Variants in EYS observed in about 807,000 individuals in gnomAD.
EYS encodes EGF-like photoreceptor maintenance factor.
In EYS, 250 loss-of-function variants were observed where a neutral mutation model predicts 282.1. The observed-to-expected ratio is 0.89, with a 90% confidence interval of 0.80 to 0.98. The LOEUF (loss-of-function observed/expected upper bound fraction) is 0.98. Among genes scored for constraint, EYS ranks in the 50% least tolerant of loss-of-function variants. The pLI, the probability that EYS is intolerant of heterozygous loss-of-function variation, is 0.00. For missense variants in EYS, 4,016 were observed against 3,709.0 expected, an observed-to-expected ratio of 1.08 and a Z score of -2.15; for synonymous variants, 1,355 against 1,282.9, an observed-to-expected ratio of 1.06 and a Z score of -1.20.
intron 31 of EYS, among the ~76,000 whole-genome samples, chr6:64,200,658 G>C (rs954818659): frequency 6.6e-6 from 1 of 152,112 alleles, no homozygotes; most frequent in African/African-American, 2.4e-5. Context: ...GAACAGGAGA[G>C]AAGCAGAAAA....
At position 63,902,332 on chromosome 6, in the gene EYS, A is replaced by G. The variant is rs1773678041; in HGVS notation, c.7056-37974T>C. On this transcript the variant is annotated intron_variant, in intron 35 of 42. Coordinates refer to ENST00000503581, the MANE Select transcript of EYS (RefSeq NM_001142800.2). ...AAAATGAAAGTGAAATAAAGACATT[A>G]TAGATAAATAAAGACTGAGAATTTC... 2.6e-5 allele frequency among the ~76,000 whole-genome samples: 4 copies of G among 152,220 alleles called. 1 individual carries two copies. In the South Asian group the frequency reaches 8.3e-4, roughly 31 times the overall value.
intron 24 of EYS, among the ~76,000 whole-genome samples, chr6:64,596,679 C>T (rs1226818862): frequency 6.6e-6 from 1 of 152,080 alleles, no homozygotes; most frequent in African/African-American, 2.4e-5. Context: ...AAACTAGACT[C>T]GTATCTCTCA....
Position 65,495,393 on chromosome 6 carries a change from G to A in EYS, c.18C>T (p.Ile6=), listed in dbSNP as rs771355112. The part of the protein sequence containing the change: MTDKS[I]VILSLMVFHS... ...GAAAAACCATCAGGCTCAGAATGAC[G>A]ATTGATTTGTCAGTCATTTTCGGGT... Residue 6 remains isoleucine (I), a synonymous_variant, in exon 4 of 43, where the codon ATC becomes ATT. Coordinates refer to ENST00000503581, the MANE Select transcript of EYS (RefSeq NM_001142800.2). 5.8e-5 allele frequency: 94 copies of A among 1,611,226 alleles called. No homozygotes were observed. The highest frequency in any genetic ancestry group is 1.9e-4 in the African/African-American group (14 of 75,036).
At chr6:64,098,049 A>C (rs763460967) in intron 31 of EYS, among the ~76,000 whole-genome samples, 1 of 152,228 alleles carries the variant, frequency 6.6e-6, no homozygotes, top group Non-Finnish European at 1.5e-5. Context: ...TGTGGATTAG[A>C]TGAAACTGTT....
chr6:64,960,874 TTTA>T, intron 14 of EYS, among the ~76,000 whole-genome samples: 1 of 152,326 alleles, frequency 6.6e-6, no homozygotes, highest in East Asian at 1.9e-4. Flanking sequence ...GGTCTCATCA[TTTA>T]GCTCCCATTG....
intron 5 of EYS, among the ~76,000 whole-genome samples, chr6:65,461,323 T>G (rs1331578500): frequency 1.3e-5 from 2 of 152,106 alleles, no homozygotes; most frequent in African/African-American, 4.8e-5. Context: ...ATTACATATC[T>G]AGGAAAACTT....
chr6:63,786,696 TA>T (rs570420411), intron 39 of EYS, among the ~76,000 whole-genome samples: 2,274 of 144,424 alleles, frequency 0.016, 42 homozygotes, highest in African/African-American at 0.044. Flanking sequence ...AACTTAAAGT[TA>T]AAAAAAAAAA....
intron 36 of EYS, among the ~76,000 whole-genome samples, chr6:63,852,430 A>G (rs1406769530): frequency 6.6e-6 from 1 of 152,178 alleles, no homozygotes; most frequent in Non-Finnish European, 1.5e-5. Flanking sequence ...AGTCTAAACC[A>G]GGAAGAAATC....
intron 41 of EYS, among the ~76,000 whole-genome samples, chr6:63,737,911 A>C (rs1229334491): frequency 1.3e-5 from 2 of 152,232 alleles, no homozygotes; most frequent in African/African-American, 4.8e-5. Context: ...CAACCCCATC[A>C]AAAAGTGGGT....
chr6:65,064,648 A>T (rs1313229739), intron 12 of EYS, among the ~76,000 whole-genome samples: 1 of 151,260 alleles, frequency 6.6e-6, no homozygotes, highest in Non-Finnish European at 1.5e-5. Flanking sequence ...GTTGGATGGA[A>T]GAATATGATT....
At chr6:64,705,935 T>C (rs1174508113) in intron 22 of EYS, among the ~76,000 whole-genome samples, 2 of 150,932 alleles carry the variant, frequency 1.3e-5, no homozygotes, top group Admixed American at 1.3e-4. Context: ...TGTATACATA[T>C]GTAAGTAACC....
At chr6:64,592,094 A>G (rs1358163664) in intron 25 of EYS, 105 bp from the exon 26 acceptor site, 5 of 660,434 alleles carry the variant, frequency 7.6e-6, no homozygotes, top group Non-Finnish European at 2.4e-6. Flanking sequence ...CCTTACATCC[A>G]TTATATGTAG....
chr6:64,858,364 A>G (rs973049526), intron 19 of EYS, among the ~76,000 whole-genome samples: 1 of 152,078 alleles, frequency 6.6e-6, no homozygotes, highest in African/African-American at 2.4e-5. Context: ...TCCTTTCTCT[A>G]TTGTGTAGTC....
At chr6:65,682,542 T>A (rs1328974123) in intron 1 of EYS, among the ~76,000 whole-genome samples, 1 of 152,004 alleles carries the variant, frequency 6.6e-6, no homozygotes. Context: ...TACAAATATT[T>A]TTATTATTCA....
chr6:65,181,012 A>C (rs1224165935), intron 12 of EYS, among the ~76,000 whole-genome samples: 1 of 152,174 alleles, frequency 6.6e-6, no homozygotes, highest in Non-Finnish European at 1.5e-5. Flanking sequence ...ATATGTAGAA[A>C]GCTGAAACTG....
intron 2 of EYS, among the ~76,000 whole-genome samples, chr6:65,589,452 T>C (rs1382392134): frequency 6.6e-6 from 1 of 151,972 alleles, no homozygotes; most frequent in Non-Finnish European, 1.5e-5. Context: ...CTTCTAATGA[T>C]TACCCTCACA....
intron 31 of EYS, among the ~76,000 whole-genome samples, chr6:64,168,786 T>C (rs374402836): frequency 1.3e-5 from 2 of 152,232 alleles, no homozygotes; most frequent in East Asian, 1.9e-4. Context: ...AGGGATTTTT[T>C]TGGGGGTGAT....
chr6:63,740,282 C>T (rs573313668), intron 41 of EYS, among the ~76,000 whole-genome samples: 162 of 152,230 alleles, frequency 1.1e-3, no homozygotes, highest in African/African-American at 3.7e-3. Context: ...ATAAGTCTCA[C>T]GAGATCTGAT....
chr6:65,381,216 C>G (rs1401285844), intron 8 of EYS, among the ~76,000 whole-genome samples: 1 of 152,026 alleles, frequency 6.6e-6, no homozygotes. Flanking sequence ...GGGACCAACC[C>G]AAATGCCCAT....
Sources: gnomAD v4.1 joint callset for allele counts (sites outside exome capture counted in the v4.1 genomes callset) on GRCh38, gnomAD v4.1.1 for gene constraint, MANE v1.5 for transcripts, NCBI Gene and HGNC (gene_info 2026-07-23, HGNC 2026-07-21) for gene names.